FNDC7: variants seen among roughly 807,000 people sequenced by gnomAD.
The protein encoded by FNDC7 is fibronectin type III domain-containing protein 7.
In FNDC7, 66 loss-of-function variants were observed where a neutral mutation model predicts 74.2. The ratio of observed to expected loss-of-function variants is 0.89; its 90% CI spans 0.73 to 1.09. The LOEUF is 1.09. Ranked by LOEUF, FNDC7 falls within the 50% of genes least tolerant of loss-of-function variation. FNDC7 has a pLI of 0.00. For missense variants in FNDC7, 829 were observed against 893.4 expected, an observed-to-expected ratio of 0.93 and a Z score of 0.92; for synonymous variants, 307 against 330.2, an observed-to-expected ratio of 0.93 and a Z score of 0.76.
rs1570731348 is a variant in FNDC7, at chr1:108,728,624, T to C, written c.1370-8T>C. On this transcript the variant is annotated splice_region_variant and splice_polypyrimidine_tract_variant and intron_variant, in intron 7 of 12. Coordinates refer to ENST00000370017, the MANE Select transcript of FNDC7 (RefSeq NM_001144937.3). Reference sequence around the variant, plus strand: ...TGCTGGTTCAATTAATACTCTAAAATGTCTTAGCTCCTTGCAGTCCTGAAA... The same window carrying C: ...TGCTGGTTCAATTAATACTCTAAAACGTCTTAGCTCCTTGCAGTCCTGAAA... 6.2e-7 allele frequency: 1 copy of C among 1,613,674 alleles called. No individual in the cohort carries two copies. The highest frequency in any genetic ancestry group is 8.5e-7 in the Non-Finnish European group (1 of 1,179,568).
intron 2 of FNDC7, among the ~76,000 whole-genome samples, chr1:108,715,404 A>T (rs1660950587): frequency 6.6e-6 from 1 of 152,176 alleles, no homozygotes; most frequent in Admixed American, 6.5e-5. Context: ...TATTTTATGG[A>T]CTTTACACTC....
intron 1 of FNDC7, 34 bp from the exon 2 acceptor site, chr1:108,713,477 G>T (rs1234059595): frequency 1.9e-6 from 3 of 1,545,120 alleles, no homozygotes; most frequent in Non-Finnish European, 2.6e-6. Context: ...GTGTTTTTCT[G>T]TGTGGTTCTA....
chr1:108,719,060 C>T lies in FNDC7; in HGVS notation c.598+11C>T, dbSNP rs1470392663. ...GCAATCAGAGAACAAGTAAGAACTT[C>T]TCAGCTCAGCCTCGAACAATTCTAC... On this transcript the variant is annotated intron_variant, in intron 4 of 12. Coordinates refer to ENST00000370017, the MANE Select transcript of FNDC7 (RefSeq NM_001144937.3). The T allele has an allele frequency of 1.9e-6, 3 of 1,551,774 alleles. No individual in the cohort carries two copies. The East Asian group carries it at 7.3e-5, about 38-fold the overall frequency.
intron 11 of FNDC7, 34 bp from the exon 12 acceptor site, chr1:108,741,739 A>G: frequency 1.2e-6 from 2 of 1,610,246 alleles, no homozygotes; most frequent in East Asian, 2.2e-5. Flanking sequence ...TATTGAATGC[A>G]TCTTTTACTG....
Position 108,742,103 on chromosome 1 carries a change from G to T in FNDC7, c.*216G>T. ...AGCAGTTGGAGATCTGCTATGTGAGGACTCTGGAGAGAAATGAATCCAGAA... is the reference window on the plus strand; with the variant it reads ...AGCAGTTGGAGATCTGCTATGTGAGTACTCTGGAGAGAAATGAATCCAGAA... On this transcript the variant is annotated 3_prime_UTR_variant, in exon 13 of 13. Coordinates refer to ENST00000370017, the MANE Select transcript of FNDC7 (RefSeq NM_001144937.3). 1 of 414,674 alleles carries T rather than the reference G, an allele frequency of 2.4e-6. No homozygotes were observed. Among genetic ancestry groups the T allele is most frequent in the Non-Finnish European group, 4.3e-6 (1 of 231,162 alleles). 25.7% of individuals were successfully genotyped at this position (414,674 alleles called of 1,614,324 possible). A position where few individuals can be genotyped will look rare whatever the true frequency, so the allele number is the denominator to read the frequency against.
At chr1:108,729,520 G>A (rs1445849956) in intron 8 of FNDC7, among the ~76,000 whole-genome samples, 1 of 150,824 alleles carries the variant, frequency 6.6e-6, no homozygotes, top group Non-Finnish European at 1.5e-5. Context: ...CTGCACTTCA[G>A]CCTGGGCAAT....
chr1:108,739,956 T>G (rs910210568), intron 11 of FNDC7, among the ~76,000 whole-genome samples: 11 of 147,770 alleles, frequency 7.4e-5, no homozygotes, highest in Non-Finnish European at 1.5e-4. Flanking sequence ...AGGTAGAGAA[T>G]CACTTGAGCC....
intron 3 of FNDC7, among the ~76,000 whole-genome samples, chr1:108,718,438 A>C (rs1661024477): frequency 6.6e-6 from 1 of 152,224 alleles, no homozygotes; most frequent in African/African-American, 2.4e-5. Flanking sequence ...GATTTGATAA[A>C]GTTGTACCTA....
intron 7 of FNDC7, 98 bp from the exon 8 acceptor site, chr1:108,728,534 G>C: frequency 1.4e-6 from 2 of 1,436,248 alleles, no homozygotes; most frequent in Non-Finnish European, 1.9e-6. Flanking sequence ...GTTGAAAACT[G>C]TGATGATCTC....
At chr1:108,738,205 G>A (rs1025686467) in intron 11 of FNDC7, among the ~76,000 whole-genome samples, 1 of 152,196 alleles carries the variant, frequency 6.6e-6, no homozygotes, top group African/African-American at 2.4e-5. Flanking sequence ...AGAGAGCTAC[G>A]ATGTTTGCTC....
intron 2 of FNDC7, 108 bp from the exon 3 acceptor site, chr1:108,717,666 ACTT>A: frequency 8.4e-7 from 1 of 1,185,782 alleles, no homozygotes. Context: ...TAAGGGCAAA[ACTT>A]CTGTCTGAAG....
chr1:108,742,034 ACT>A lies in FNDC7; in HGVS notation c.*150_*151del. 2 of 566,270 alleles carry A rather than the reference ACT, an allele frequency of 3.5e-6. No homozygotes were observed. Among genetic ancestry groups the A allele is most frequent in the Non-Finnish European group, 6.2e-6 (2 of 320,074 alleles). The allele number at this position is 566,270 out of a possible 1,614,324, so 35.1% of individuals were successfully genotyped here. ...TTTGGCCTTTAGAAGAACAACTCTG[ACT>A]CTGCTTCCTGAGGGCAAGGTCAGGT... On this transcript the variant is annotated 3_prime_UTR_variant, in exon 13 of 13. Transcript: ENST00000370017.
Position 108,741,798 on chromosome 1 carries a change from A to G in FNDC7, c.2196A>G (p.Glu732=). The G allele has an allele frequency of 6.2e-7, 1 of 1,613,936 alleles. No individual in the cohort carries two copies. Among genetic ancestry groups the G allele is most frequent in the African/African-American group, 1.3e-5 (1 of 75,068 alleles). The change falls in exon 12 of 13, where the codon GAA becomes GAG. Residue 732 remains glutamate, a synonymous_variant. Coordinates refer to ENST00000370017, the MANE Select transcript of FNDC7 (RefSeq NM_001144937.3). Reference sequence around the variant, plus strand: ...TGATTTATAGAGGGAAGAGAAATGAAGAATGACAAAGTGAGCCCCAGATAA... The same window carrying G: ...TGATTTATAGAGGGAAGAGAAATGAGGAATGACAAAGTGAGCCCCAGATAA... ...GMVIYRGKRN[E]E
chr1:108,719,085 C>G, intron 4 of FNDC7, 36 bp downstream of exon 4: 3 of 1,548,368 alleles, frequency 1.9e-6, no homozygotes, highest in Non-Finnish European at 2.6e-6. Context: ...AACAATTCTA[C>G]TTTTGATTAA....
chr1:108,729,287 C>T (rs147970079), intron 8 of FNDC7, among the ~76,000 whole-genome samples: 4,458 of 152,254 alleles, frequency 0.029, 84 homozygotes, highest in Non-Finnish European at 0.046. Context: ...TGGTGGCTCA[C>T]GCCTGTAATC....
intron 10 of FNDC7, 55 bp from the exon 11 acceptor site, chr1:108,737,440 T>C: frequency 1.4e-6 from 2 of 1,447,582 alleles, no homozygotes; most frequent in Non-Finnish European, 1.9e-6. Context: ...ATCTTCACTA[T>C]CTTAAATACA....
rs537570533 is a variant in FNDC7 at position 108,724,740 on chromosome 1, C to G, written c.857-1010C>G. On this transcript the variant is annotated intron_variant, in intron 5 of 12. Coordinates refer to ENST00000370017, the MANE Select transcript of FNDC7 (RefSeq NM_001144937.3). ...CTGCACTCCAGCCTGGGTGACAGAG[C>G]GAGACCTTGTCTCCAAAAAAAAAAA... Among the ~76,000 whole-genome samples the G allele has an allele frequency of 4.1e-5, 6 of 147,038 alleles. No individual in the cohort carries two copies. The East Asian group carries it at 1.2e-3, about 29-fold the overall frequency.
At position 108,733,522 on chromosome 1, in the gene FNDC7, A is replaced by T; in HGVS notation, c.2130A>T (p.Lys710Asn). ...TGAAGCTTACTTTCTGTCCAAAAAA[A>T]ATATATTCAGGTAAAGCAAGTTATG... is the stretch of plus-strand genomic sequence containing the variant. ...TGLKLTFCPK[K>N]IYSVTCSGST... Residue 710 changes from lysine to asparagine, a missense_variant, in exon 10 of 13, where the codon AAA (lysine) becomes AAT (asparagine). Lys to Asn is a moderately conservative substitution (Grantham distance 94). Coordinates refer to ENST00000370017, the MANE Select transcript of FNDC7 (RefSeq NM_001144937.3). 2 of 1,612,322 alleles carry T rather than the reference A, an allele frequency of 1.2e-6. No individual in the cohort carries two copies. The highest frequency in any genetic ancestry group is 2.2e-5 in the East Asian group (1 of 44,844).
At chr1:108,724,662 G>A (rs1256273699) in intron 5 of FNDC7, among the ~76,000 whole-genome samples, 3 of 151,848 alleles carry the variant, frequency 2.0e-5, no homozygotes, top group Non-Finnish European at 4.4e-5. Context: ...GCTGAGGTGG[G>A]AGGATCACCT....
Sources: gnomAD v4.1 joint callset for allele counts (sites outside exome capture counted in the v4.1 genomes callset) on GRCh38, gnomAD v4.1.1 for gene constraint, MANE v1.5 for transcripts, NCBI Gene and HGNC (gene_info 2026-07-23, HGNC 2026-07-21) for gene names.